ANKS1B: variants seen among roughly 807,000 people sequenced by gnomAD.
ANKS1B encodes the protein ankyrin repeat and sterile alpha motif domain-containing protein 1B.
In ANKS1B, 36 loss-of-function variants were observed where a neutral mutation model predicts 148.3. The ratio of observed to expected loss-of-function variants is 0.24; its 90% confidence interval spans 0.19 to 0.32. ANKS1B has a LOEUF of 0.32. Among genes scored for constraint, ANKS1B ranks in the 10% least tolerant of loss-of-function variants. ANKS1B has a pLI of 1.00. For synonymous variants in ANKS1B, 542 were observed against 560.8 expected (o/e 0.97, Z 0.47); for missense variants, 1,157 against 1,542.6 (o/e 0.75, Z 4.19).
intron 17 of ANKS1B, among the ~76,000 whole-genome samples, chr12:99,019,885 T>C (rs1241342527): frequency 6.6e-6 from 1 of 152,188 alleles, no homozygotes; most frequent in Non-Finnish European, 1.5e-5. Context: ...GGCCTTAAAA[T>C]AGAACTTGTA....
intron 12 of ANKS1B, among the ~76,000 whole-genome samples, chr12:99,312,238 G>A (rs929646523): frequency 7.2e-5 from 11 of 152,118 alleles, no homozygotes; most frequent in South Asian, 6.2e-4. Flanking sequence ...AAATGATGTC[G>A]GAAGTGCTGG....
intron 4 of ANKS1B, among the ~76,000 whole-genome samples, chr12:99,800,792 C>T (rs927517478): frequency 2.6e-5 from 4 of 152,018 alleles, no homozygotes; most frequent in Admixed American, 6.6e-5. Context: ...TAGGGAATTA[C>T]ATACACAAAT....
At chr12:99,198,064 C>G (rs547851926) in intron 14 of ANKS1B, among the ~76,000 whole-genome samples, 73 of 152,254 alleles carry the variant, frequency 4.8e-4, no homozygotes, top group South Asian at 1.7e-3. Flanking sequence ...CTTATTCAAA[C>G]TATAACTCAG....
At chr12:99,651,536 T>C (rs750244447) in intron 9 of ANKS1B, among the ~76,000 whole-genome samples, 4 of 152,166 alleles carry the variant, frequency 2.6e-5, no homozygotes, top group East Asian at 1.9e-4. Flanking sequence ...TTGATAATCA[T>C]AGAAGGGATC....
At chr12:99,465,339 C>T (rs370761103) in intron 10 of ANKS1B, among the ~76,000 whole-genome samples, 23 of 149,852 alleles carry the variant, frequency 1.5e-4, no homozygotes, top group Admixed American at 6.0e-4. Context: ...TGCAAAATCA[C>T]GCCAAATTGT....
chr12:99,091,296 C>G (rs947228211), intron 15 of ANKS1B, among the ~76,000 whole-genome samples: 1 of 152,024 alleles, frequency 6.6e-6, no homozygotes, highest in Non-Finnish European at 1.5e-5. Flanking sequence ...AACCCAATTC[C>G]CCTTTGAAAC....
chr12:98,951,211 C>T (rs1163628711), intron 17 of ANKS1B, among the ~76,000 whole-genome samples: 1 of 152,146 alleles, frequency 6.6e-6, no homozygotes, highest in Non-Finnish European at 1.5e-5. Flanking sequence ...GTCTTCCTGG[C>T]TTTAGTGGAC....
chr12:98,811,044 T>C (rs1319894689), intron 19 of ANKS1B, among the ~76,000 whole-genome samples: 3 of 137,846 alleles, frequency 2.2e-5, no homozygotes, highest in African/African-American at 8.3e-5. Flanking sequence ...ACGAGGTCCC[T>C]TTCTTGTCTG....
rs780115881 is a variant in ANKS1B at position 99,154,322 on chromosome 12, C to G, written c.2493G>C (p.Leu831=). 17 of 1,613,740 alleles carry G rather than the reference C, an allele frequency of 1.1e-5. No individual in the cohort carries two copies. The highest frequency in any genetic ancestry group is 1.4e-5 in the Non-Finnish European group (16 of 1,179,714). Residue 831 remains leucine (L), a synonymous_variant, in exon 15 of 27, where the codon CTG becomes CTC. Coordinates refer to ENST00000683438, the MANE Select transcript of ANKS1B (RefSeq NM_001352186.2). The part of the protein sequence containing the change: ...SIGLPQYENH[L]MANGFDNVQF... ...GCACATTGTCAAATCCATTAGCCAT[C>G]AGGTGGTTCTCGTACTGAGGTAGCC...
At chr12:99,492,386 G>C (rs1040215382) in intron 10 of ANKS1B, among the ~76,000 whole-genome samples, 1 of 152,114 alleles carries the variant, frequency 6.6e-6, no homozygotes, top group East Asian at 1.9e-4. Context: ...CCAATAACAA[G>C]CTCCAAAATT....
intron 14 of ANKS1B, among the ~76,000 whole-genome samples, chr12:99,237,263 C>A (rs1382137409): frequency 1.3e-5 from 2 of 152,088 alleles, no homozygotes; most frequent in Non-Finnish European, 2.9e-5. Flanking sequence ...ACTGTGCCTG[C>A]CTTACACTAA....
chr12:99,402,356 G>A (rs2094427514), intron 11 of ANKS1B, among the ~76,000 whole-genome samples: 2 of 145,624 alleles, frequency 1.4e-5, no homozygotes, highest in African/African-American at 5.2e-5. Flanking sequence ...TACATGTGCA[G>A]GTTTGTTACA....
At chr12:99,760,910 T>C (rs1049568998) in intron 8 of ANKS1B, among the ~76,000 whole-genome samples, 1 of 150,874 alleles carries the variant, frequency 6.6e-6, no homozygotes, top group East Asian at 1.9e-4. Context: ...GAGACTATGA[T>C]GAACACCATA....
At chr12:99,943,182 AC>A in intron 1 of ANKS1B, among the ~76,000 whole-genome samples, 1 of 152,276 alleles carries the variant, frequency 6.6e-6, no homozygotes, top group South Asian at 2.1e-4. Flanking sequence ...CACATCTGAA[AC>A]CCATCCTTTC....
chr12:98,750,329 G>A (rs564957660), intron 26 of ANKS1B, among the ~76,000 whole-genome samples: 4 of 152,258 alleles, frequency 2.6e-5, no homozygotes, highest in East Asian at 3.9e-4. Context: ...GAAAGATCCC[G>A]AAAGTAAACT....
intron 12 of ANKS1B, among the ~76,000 whole-genome samples, chr12:99,260,041 C>T (rs886534786): frequency 2.0e-5 from 3 of 152,130 alleles, no homozygotes; most frequent in African/African-American, 4.8e-5. Flanking sequence ...ATGTATTTTC[C>T]TCATCAGAAG....
rs373726994 is a variant in ANKS1B at position 99,262,919 on chromosome 12, A to G, written c.1757-16055T>C. On this transcript the variant is annotated intron_variant, in intron 12 of 26. Coordinates refer to ENST00000683438, the MANE Select transcript of ANKS1B (RefSeq NM_001352186.2). The stretch of plus-strand genomic sequence containing the variant: ...TCATTACTTTTATGTTACCGAAATC[A>G]TCTTCGGACCTGTTTTCTCTGTTTT... Among the ~76,000 whole-genome samples, 70 of 152,124 alleles carry G rather than the reference A, an allele frequency of 4.6e-4. No homozygotes were observed. In the East Asian group the frequency reaches 0.011, roughly 23 times the overall value.
At chr12:99,937,419 G>C (rs901413109) in intron 1 of ANKS1B, among the ~76,000 whole-genome samples, 1 of 152,160 alleles carries the variant, frequency 6.6e-6, no homozygotes, top group African/African-American at 2.4e-5. Flanking sequence ...TGTTGAATAT[G>C]ATTATTTAGG....
intron 8 of ANKS1B, among the ~76,000 whole-genome samples, chr12:99,732,645 T>C (rs1335247090): frequency 6.6e-6 from 1 of 152,170 alleles, no homozygotes; most frequent in East Asian, 1.9e-4. Flanking sequence ...ATGAAAATAT[T>C]TTATATCTTT....
Sources: allele counts gnomAD v4.1 joint callset (sites outside exome capture counted in the v4.1 genomes callset), GRCh38; gene constraint gnomAD v4.1.1; transcripts MANE v1.5; gene names NCBI Gene and HGNC (gene_info 2026-07-23, HGNC 2026-07-21).